The following GPR158 variants were observed in gnomAD, a reference collection of about 807,000 sequenced individuals.
GPR158 encodes the protein metabotropic glycine receptor.
GPR158 carries 30 observed loss-of-function variants against 78.2 expected under a neutral mutation model. The observed-to-expected ratio is 0.38, with a 90% CI of 0.29 to 0.52. The LOEUF (loss-of-function observed/expected upper bound fraction) is 0.52, where lower values mean the gene tolerates loss of function less well. Among genes scored for constraint, GPR158 ranks in the 20% least tolerant of loss-of-function variants. GPR158 has a pLI of 0.83. For missense variants in GPR158, 1,463 were observed against 1,523.5 expected, an observed-to-expected ratio of 0.96 and a Z score of 0.66; for synonymous variants, 581 against 591.1, an observed-to-expected ratio of 0.98 and a Z score of 0.25.
chr10:25,324,920 C>A (rs1278411405), intron 2 of GPR158, among the ~76,000 whole-genome samples: 1 of 149,204 alleles, frequency 6.7e-6, no homozygotes, highest in East Asian at 2.0e-4. Flanking sequence ...CTCACTCCAG[C>A]CTTGTACTCC....
At chr10:25,527,383 T>TA (rs1489878875) in intron 5 of GPR158, among the ~76,000 whole-genome samples, 2 of 151,964 alleles carry the variant, frequency 1.3e-5, no homozygotes, top group African/African-American at 2.4e-5. Flanking sequence ...AAAATGGAGA[T>TA]AAAAAAAGAA....
intron 4 of GPR158, among the ~76,000 whole-genome samples, chr10:25,456,478 C>T (rs529124425): frequency 2.4e-4 from 36 of 152,244 alleles, no homozygotes; most frequent in Non-Finnish European, 3.4e-4. Flanking sequence ...CTTCCTATTA[C>T]GACATTTTTC....
chr10:25,269,656 C>A (rs1564407034), intron 2 of GPR158, among the ~76,000 whole-genome samples: 1 of 152,198 alleles, frequency 6.6e-6, no homozygotes, highest in Non-Finnish European at 1.5e-5. Context: ...CAGACACTCA[C>A]GTAAACTTTA....
At chr10:25,333,936 C>T (rs929230936) in intron 2 of GPR158, among the ~76,000 whole-genome samples, 1 of 152,070 alleles carries the variant, frequency 6.6e-6, no homozygotes, top group Admixed American at 6.6e-5. Flanking sequence ...ACAGACTCCT[C>T]CGTGTACTCT....
chr10:25,592,939 C>CA (rs1250313725), intron 8 of GPR158, among the ~76,000 whole-genome samples: 1 of 124,846 alleles, frequency 8.0e-6, no homozygotes, highest in Non-Finnish European at 1.7e-5. Flanking sequence ...CCCAGGAAAA[C>CA]AGACTGCGTC....
chr10:25,305,805 C>T (rs1469294042), intron 2 of GPR158, among the ~76,000 whole-genome samples: 1 of 152,112 alleles, frequency 6.6e-6, no homozygotes, highest in Admixed American at 6.5e-5. Context: ...CTCAGATCTC[C>T]TCACATGTTA....
At chr10:25,415,906 G>A (rs2130553513) in intron 4 of GPR158, among the ~76,000 whole-genome samples, 1 of 152,102 alleles carries the variant, frequency 6.6e-6, no homozygotes, top group African/African-American at 2.4e-5. Flanking sequence ...AGACAAAAAT[G>A]TTACAAAATT....
intron 5 of GPR158, among the ~76,000 whole-genome samples, chr10:25,531,762 C>T (rs1191698362): frequency 6.6e-6 from 1 of 152,184 alleles, no homozygotes; most frequent in African/African-American, 2.4e-5. Context: ...AATTATACCA[C>T]TTTAGTTGTC....
intron 6 of GPR158, among the ~76,000 whole-genome samples, chr10:25,568,963 G>A (rs1836967805): frequency 6.6e-6 from 1 of 152,130 alleles, no homozygotes; most frequent in Admixed American, 6.5e-5. Flanking sequence ...TCATACAAAT[G>A]CATGTCTACA....
At chr10:25,425,387 T>C (rs1834806191) in intron 4 of GPR158, among the ~76,000 whole-genome samples, 1 of 152,074 alleles carries the variant, frequency 6.6e-6, no homozygotes, top group South Asian at 2.1e-4. Context: ...GTGAAAGTGG[T>C]ATCACACTGC....
chr10:25,504,784 G>C (rs1357263677), intron 5 of GPR158, among the ~76,000 whole-genome samples: 2 of 152,126 alleles, frequency 1.3e-5, no homozygotes, highest in Non-Finnish European at 2.9e-5. Context: ...CCTTTCATGG[G>C]AAAGTTTTCA....
intron 2 of GPR158, among the ~76,000 whole-genome samples, chr10:25,376,755 T>C (rs1298203217): frequency 6.6e-6 from 1 of 151,732 alleles, no homozygotes; most frequent in African/African-American, 2.4e-5. Context: ...ATGGATATTT[T>C]TATAGTGTAT....
intron 2 of GPR158, among the ~76,000 whole-genome samples, chr10:25,314,281 AAT>A (rs1854813106): frequency 6.6e-6 from 1 of 151,914 alleles, no homozygotes; most frequent in African/African-American, 2.4e-5. Flanking sequence ...TTGTATTTTT[AAT>A]AGAGACGGGG....
At chr10:25,309,589 C>T (rs1854734257) in intron 2 of GPR158, among the ~76,000 whole-genome samples, 1 of 151,992 alleles carries the variant, frequency 6.6e-6, no homozygotes, top group South Asian at 2.1e-4. Context: ...ACCTTTACAG[C>T]TTTTGATATG....
At chr10:25,486,752 T>C (rs540740614) in intron 5 of GPR158, among the ~76,000 whole-genome samples, 1 of 152,204 alleles carries the variant, frequency 6.6e-6, no homozygotes, top group South Asian at 2.1e-4. Flanking sequence ...TCAAACTATA[T>C]GTGGTAAAGG....
In GPR158 at chr10:25,392,514, A is replaced by G. The variant is rs145884879; in HGVS notation, c.1009-3397A>G. 2.7e-3 allele frequency among the ~76,000 whole-genome samples: 408 copies of G among 152,370 alleles called. 2 individuals carry two copies. The highest frequency in any genetic ancestry group is 9.1e-3 in the African/African-American group (380 of 41,590). On this transcript the variant is annotated intron_variant, in intron 2 of 10. Coordinates refer to ENST00000376351, the MANE Select transcript of GPR158 (RefSeq NM_020752.3). ...ATGACACTCCAAGGATCCCGTAGCA[A>G]TAACTCTTAATTTTTATATTTTTAT...
At chr10:25,198,372 A>C (rs1433587391) in intron 1 of GPR158, among the ~76,000 whole-genome samples, 2 of 152,204 alleles carry the variant, frequency 1.3e-5, no homozygotes, top group Non-Finnish European at 2.9e-5. Flanking sequence ...TGTCTGCTGC[A>C]AAGTGGTGTG....
At chr10:25,262,418 C>G (rs1267893784) in intron 2 of GPR158, among the ~76,000 whole-genome samples, 2 of 151,976 alleles carry the variant, frequency 1.3e-5, no homozygotes, top group African/African-American at 2.4e-5. Flanking sequence ...TTCTTAGTAT[C>G]TAGGAAAGAA....
Position 25,599,212 on chromosome 10 carries a change from C to T in GPR158, c.3586C>T (p.Leu1196=), listed in dbSNP as rs144118777. ...RSVALPASSA[L]SANKIAGPRK... The stretch of plus-strand genomic sequence containing the variant: ...TGTAGCTTTACCTGCCTCTTCTGCT[C>T]TAAGTGCAAATAAGATAGCAGGGCC... The change falls in exon 11 of 11, where the codon CTA becomes TTA. Residue 1196 remains leucine (L), a synonymous_variant. Transcript: ENST00000376351. The T allele has an allele frequency of 1.2e-4, 191 of 1,612,420 alleles. 1 individual carries two copies. The African/African-American group carries it at 2.4e-3, about 20-fold the overall frequency.
Sources: gnomAD v4.1 joint callset for allele counts (sites outside exome capture counted in the v4.1 genomes callset) on GRCh38, gnomAD v4.1.1 for gene constraint, MANE v1.5 for transcripts, NCBI Gene and HGNC (gene_info 2026-07-23, HGNC 2026-07-21) for gene names.